The following DAB2IP variants were observed in gnomAD, a reference collection of about 807,000 sequenced individuals.
DAB2IP encodes DAB2 interacting protein.
A neutral mutation model predicts 107.2 loss-of-function variants in DAB2IP; 28 were observed. The observed-to-expected ratio is 0.26, with a 90% CI of 0.19 to 0.36. DAB2IP has a LOEUF of 0.36. Ranked by LOEUF, DAB2IP falls within the 10% of genes least tolerant of loss-of-function variation. DAB2IP has a pLI of 1.00. For missense variants in DAB2IP, 1,400 were observed against 1,644.7 expected, an observed-to-expected ratio of 0.85 and a Z score of 2.57; for synonymous variants, 755 against 706.4, an observed-to-expected ratio of 1.07 and a Z score of -1.09.
At chr9:121,697,660 C>T (rs1461955260) in intron 2 of DAB2IP, among the ~76,000 whole-genome samples, 2 of 152,172 alleles carry the variant, frequency 1.3e-5, no homozygotes, top group Non-Finnish European at 2.9e-5. Flanking sequence ...GATTAGAATA[C>T]CCTGATGGAT....
intron 3 of DAB2IP, among the ~76,000 whole-genome samples, chr9:121,741,824 T>C (rs1832371694): frequency 6.6e-6 from 1 of 150,696 alleles, no homozygotes; most frequent in African/African-American, 2.4e-5. Flanking sequence ...TCAGCAAGGC[T>C]TTGTTCTGTA....
In DAB2IP at chr9:121,736,335, G is replaced by A. The variant is rs549367504; in HGVS notation, c.363-20678G>A. 5.6e-4 allele frequency among the ~76,000 whole-genome samples: 85 copies of A among 152,282 alleles called. No individual in the cohort carries two copies. The highest frequency in any genetic ancestry group is 1.9e-3 in the African/African-American group (80 of 41,568). ...GGCAAGTGAGGGGCTGGCGGGGCCG[G>A]TGGGGACCCAGACTCGCACGAAGGT... On this transcript the variant is annotated intron_variant, in intron 3 of 15. Transcript: ENST00000408936. The surrounding 1 kb of genome is among the most constrained non-coding windows in gnomAD (Gnocchi z 4.6).
intron 1 of DAB2IP, among the ~76,000 whole-genome samples, chr9:121,613,135 A>G (rs894792774): frequency 6.6e-6 from 1 of 152,240 alleles, no homozygotes; most frequent in Admixed American, 6.5e-5. Flanking sequence ...GCCCTCAGGC[A>G]GGTCCTTCTG....
chr9:121,770,519 C>T (rs1834641794), intron 10 of DAB2IP, 27 bp from the exon 11 acceptor site: 1 of 1,606,382 alleles, frequency 6.2e-7, no homozygotes, highest in Non-Finnish European at 8.5e-7. Context: ...CAGGAGGTCA[C>T]ACCTGCCTCT....
chr9:121,731,024 C>A (rs1831506479), intron 3 of DAB2IP, among the ~76,000 whole-genome samples: 1 of 152,212 alleles, frequency 6.6e-6, no homozygotes, highest in African/African-American at 2.4e-5. Context: ...TTTCCTGATT[C>A]CCTGCTCCCA....
At chr9:121,642,463 G>A (rs574752990) in intron 1 of DAB2IP, among the ~76,000 whole-genome samples, 1 of 149,354 alleles carries the variant, frequency 6.7e-6, no homozygotes, top group Non-Finnish European at 1.5e-5. Context: ...TTACAGGCGT[G>A]AGCCACCACA....
At chr9:121,591,563 A>C (rs914865612) in intron 1 of DAB2IP, among the ~76,000 whole-genome samples, 11 of 152,210 alleles carry the variant, frequency 7.2e-5, no homozygotes, top group African/African-American at 2.4e-4. Flanking sequence ...GAAACCATTG[A>C]AGCTTTGAAC....
At position 121,698,067 on chromosome 9, in the gene DAB2IP, AC is replaced by A. The variant is rs201127647; in HGVS notation, c.229-1257del. Among the ~76,000 whole-genome samples, 270 of 152,320 alleles carry A rather than the reference AC, an allele frequency of 1.8e-3. No homozygotes were observed. Among genetic ancestry groups the A allele is most frequent in the East Asian group, 4.1e-3 (21 of 5,184 alleles). ...AGATACAGCCCAGGGCCTGTGCCAAACATCCACTGCTCCTCTTGAACACAGA... is the reference window on the plus strand; with the variant it reads ...AGATACAGCCCAGGGCCTGTGCCAAAATCCACTGCTCCTCTTGAACACAGA... On this transcript the variant is annotated intron_variant, in intron 2 of 15. Transcript: ENST00000408936. This position sits in a 1 kb window ranked among gnomAD's most constrained non-coding sequence, Gnocchi z 4.1.
In DAB2IP at chr9:121,698,655, G is replaced by C. The variant is rs1298428411; in HGVS notation, c.229-670G>C. Among the ~76,000 whole-genome samples the C allele has an allele frequency of 6.6e-6, 1 of 152,196 alleles. No homozygotes were observed. Among genetic ancestry groups the C allele is most frequent in the African/African-American group, 2.4e-5 (1 of 41,450 alleles). ...CGGTTCCGGGGAGGGGCCCCACCCT[G>C]ACATCAAGCTACTGCCGCTCTGGGA... On this transcript the variant is annotated intron_variant, in intron 2 of 15. Transcript: ENST00000408936. The surrounding 1 kb of genome is among the most constrained non-coding windows in gnomAD (Gnocchi z 4.1).
intron 3 of DAB2IP, among the ~76,000 whole-genome samples, chr9:121,706,432 C>T (rs181513320): frequency 8.9e-4 from 135 of 152,272 alleles, no homozygotes; most frequent in Non-Finnish European, 1.7e-3. Context: ...CCACCAAGGG[C>T]CCAACTCCCT....
rs541677018 is a variant in DAB2IP, at chr9:121,584,576, T to C, written c.40+17348T>C. On this transcript the variant is annotated intron_variant, in intron 1 of 16. Coordinates refer to the DAB2IP transcript ENST00000259371. The stretch of plus-strand genomic sequence containing the variant: ...GGGTGACAGAGCTACCTCTAGCTCC[T>C]GGCCCCTCCTGCTGGACCACACAGC... Among the ~76,000 whole-genome samples the C allele has an allele frequency of 1.7e-3, 264 of 152,320 alleles. 2 individuals carry two copies. The highest frequency in any genetic ancestry group is 6.1e-3 in the African/African-American group (254 of 41,568).
At chr9:121,734,221 C>T (rs1831727014) in intron 3 of DAB2IP, among the ~76,000 whole-genome samples, 1 of 148,572 alleles carries the variant, frequency 6.7e-6, no homozygotes, top group Non-Finnish European at 1.5e-5. Flanking sequence ...ACTAAAAATA[C>T]AAAAAATTAG....
At chr9:121,639,119 G>C (rs1832192458) in intron 1 of DAB2IP, among the ~76,000 whole-genome samples, 1 of 152,220 alleles carries the variant, frequency 6.6e-6, no homozygotes, top group Non-Finnish European at 1.5e-5. Flanking sequence ...ATCAACTCTT[G>C]TGCCTGTAAA....
rs759176131 is a variant in DAB2IP at position 121,768,571 on chromosome 9, C to T, written c.1837C>T (p.Leu613=). Reference sequence around the variant, plus strand: ...AGCCGGCTTCGAGGGCTACATCGACCTGGGCCGCGAGCTCTCCAGCCTGCA... The same window carrying T: ...AGCCGGCTTCGAGGGCTACATCGACTTGGGCCGCGAGCTCTCCAGCCTGCA... The change falls in exon 10 of 16, where the codon CTG becomes TTG. Residue 613 remains leucine (L), a synonymous_variant. Coordinates refer to ENST00000408936, the Ensembl canonical transcript of DAB2IP. 51 of 1,614,062 alleles carry T rather than the reference C, an allele frequency of 3.2e-5. 3 individuals carry two copies. The Middle Eastern group carries it at 1.8e-3, about 57-fold the overall frequency.
chr9:121,726,166 G>A (rs940593320), intron 3 of DAB2IP, among the ~76,000 whole-genome samples: 1 of 152,230 alleles, frequency 6.6e-6, no homozygotes, highest in Non-Finnish European at 1.5e-5. Flanking sequence ...CTGGGGCAGG[G>A]AGAGAGGCTG....
rs187106656 is a variant in DAB2IP at position 121,681,904 on chromosome 9, T to G, written c.228+3123T>G. On this transcript the variant is annotated intron_variant, in intron 2 of 15. Coordinates refer to ENST00000408936, the Ensembl canonical transcript of DAB2IP. Reference sequence around the variant, plus strand: ...CTGGAATGACAGACTTTGCTTGGACTGTGGACTTGGTGAATGTGGTCGCCC... The same window carrying G: ...CTGGAATGACAGACTTTGCTTGGACGGTGGACTTGGTGAATGTGGTCGCCC... 2.6e-5 allele frequency among the ~76,000 whole-genome samples: 4 copies of G among 152,348 alleles called. No homozygotes were observed. In the East Asian group the frequency reaches 7.7e-4, roughly 29 times the overall value.
chr9:121,581,378 A>C (rs1416984873), intron 1 of DAB2IP, among the ~76,000 whole-genome samples: 1 of 152,008 alleles, frequency 6.6e-6, no homozygotes, highest in East Asian at 1.9e-4. Context: ...CTTGTGGGGG[A>C]GCAGGAGGAG....
At chr9:121,743,668 C>T (rs1402288689) in intron 3 of DAB2IP, among the ~76,000 whole-genome samples, 4 of 152,326 alleles carry the variant, frequency 2.6e-5, no homozygotes, top group East Asian at 1.9e-4. Flanking sequence ...CAGGAAGGCT[C>T]GCCCGGCCAC....
chr9:121,642,029 CTCTTTCTT>C lies in DAB2IP; in HGVS notation c.41-36601_41-36594del, dbSNP rs1156645580. 1.6e-3 allele frequency among the ~76,000 whole-genome samples: 42 copies of C among 26,710 alleles called. 1 individual carries two copies. The highest frequency in any genetic ancestry group is 2.2e-3 in the Non-Finnish European group (29 of 13,440). The allele number at this position is 26,710 out of a possible 152,430, so 17.5% of individuals were successfully genotyped here. On this transcript the variant is annotated intron_variant, in intron 1 of 16. Transcript: ENST00000259371. ...TCTCTCTCTCTCTCTCTCTCTCTCT[CTCTTTCTT>C]TCTTTCTTTCTTTCTTTCTTTCTTT...
Sources: gnomAD v4.1 joint callset for allele counts (sites outside exome capture counted in the v4.1 genomes callset) on GRCh38, gnomAD v4.1.1 for gene constraint, Gnocchi (gnomAD v3.1) non-coding constraint, MANE v1.5 for transcripts, NCBI Gene and HGNC (gene_info 2026-07-23, HGNC 2026-07-21) for gene names.